The following CLASP2 variants were observed in gnomAD, a reference collection of about 807,000 sequenced individuals.
The protein encoded by CLASP2 is cytoplasmic linker associated protein 2, also known as CLIP-associating protein 2.
CLASP2 carries 47 observed loss-of-function variants against 194.4 expected under a neutral mutation model. The ratio of observed to expected loss-of-function variants is 0.24; its 90% confidence interval spans 0.19 to 0.31. CLASP2 has a LOEUF of 0.31. Ranked by LOEUF, CLASP2 falls within the 10% of genes least tolerant of loss-of-function variation. The pLI, the probability that CLASP2 is intolerant of heterozygous loss-of-function variation, is 1.00. For missense variants in CLASP2, 1,445 were observed against 1,823.6 expected (o/e 0.79, Z 3.78); for synonymous variants, 619 against 633.5 (o/e 0.98, Z 0.34).
intron 7 of CLASP2, among the ~76,000 whole-genome samples, chr3:33,654,289 C>T (rs902807134): frequency 1.7e-4 from 26 of 151,952 alleles, no homozygotes; most frequent in Non-Finnish European, 3.4e-4. Flanking sequence ...CAAATGTGCA[C>T]ATGAGTGCAC....
intron 24 of CLASP2, 44 bp downstream of exon 24, chr3:33,576,125 C>T (rs375898738): frequency 1.8e-5 from 27 of 1,494,108 alleles, no homozygotes; most frequent in African/African-American, 4.1e-5. Context: ...TCAACAGTTT[C>T]GTAATTGGAA....
At chr3:33,708,856 TTC>T (rs899093763) in intron 1 of CLASP2, among the ~76,000 whole-genome samples, 1 of 152,150 alleles carries the variant, frequency 6.6e-6, no homozygotes, top group African/African-American at 2.4e-5. Flanking sequence ...CCAATACTTG[TTC>T]TCTTTTGATT....
rs961449690 is a variant in CLASP2, at chr3:33,607,855, T to C, written c.1449-394A>G. On this transcript the variant is annotated intron_variant, in intron 14 of 38. Transcript: ENST00000682230. Reference sequence around the variant, plus strand: ...GTGATCAATTGTGATCTGACCAAATTTGAATAGTAGCTGCCACAGAAGAAC... The same window carrying C: ...GTGATCAATTGTGATCTGACCAAATCTGAATAGTAGCTGCCACAGAAGAAC... Among the ~76,000 whole-genome samples the C allele has an allele frequency of 2.0e-5, 3 of 152,180 alleles. 1 individual carries two copies. Among genetic ancestry groups the C allele is most frequent in the South Asian group, 4.1e-4 (2 of 4,836 alleles).
chr3:33,596,547 C>G (rs771272630), intron 19 of CLASP2, 164 bp downstream of exon 19: 3 of 672,996 alleles, frequency 4.5e-6, no homozygotes. Context: ...ATCCCTAACC[C>G]CAAATTCATT....
intron 3 of CLASP2, among the ~76,000 whole-genome samples, chr3:33,688,577 A>G: frequency 6.6e-6 from 1 of 152,206 alleles, no homozygotes; most frequent in African/African-American, 2.4e-5. Context: ...ACATTTTAGT[A>G]CTTATATATA....
rs917050216 is a variant in CLASP2 at position 33,695,871 on chromosome 3, C to T, written c.274+984G>A. Among the ~76,000 whole-genome samples the T allele has an allele frequency of 3.3e-5, 5 of 152,262 alleles. No individual in the cohort carries two copies. The East Asian group carries it at 9.6e-4, about 29-fold the overall frequency. ...ATGCTGCTATATAATAGGATCAAAT[C>T]CACTTATAACATACTCTAAAGGTAC... On this transcript the variant is annotated intron_variant, in intron 2 of 38. Coordinates refer to ENST00000682230, the MANE Select transcript of CLASP2 (RefSeq NM_001365631.1).
Position 33,496,549 on chromosome 3 carries a change from C to G in CLASP2, c.*2082G>C, listed in dbSNP as rs1052812. 2 of 151,882 alleles carry G rather than the reference C, an allele frequency of 1.3e-5. No homozygotes were observed. Among genetic ancestry groups the G allele is most frequent in the Admixed American group, 1.3e-4 (2 of 15,252 alleles). The allele number at this position is 151,882 out of a possible 1,614,324, so 9.4% of individuals were successfully genotyped here. Reference sequence around the variant, plus strand: ...TTTCATTTGGACACATTAAACCATACTTTTCCATTATGTAGTTAATTCATT... The same window carrying G: ...TTTCATTTGGACACATTAAACCATAGTTTTCCATTATGTAGTTAATTCATT... On this transcript the variant is annotated 3_prime_UTR_variant, in exon 39 of 39. Coordinates refer to ENST00000682230, the MANE Select transcript of CLASP2 (RefSeq NM_001365631.1).
intron 1 of CLASP2, among the ~76,000 whole-genome samples, chr3:33,711,977 T>C (rs1230962238): frequency 6.6e-5 from 10 of 152,146 alleles, no homozygotes; most frequent in Non-Finnish European, 1.5e-4. Flanking sequence ...ATCCTAAAAG[T>C]AGAACTACCA....
At chr3:33,526,155 T>C (rs954689077) in intron 34 of CLASP2, among the ~76,000 whole-genome samples, 1 of 151,784 alleles carries the variant, frequency 6.6e-6, no homozygotes, top group Non-Finnish European at 1.5e-5. Flanking sequence ...GTATTTTTAG[T>C]AGAGATGGGT....
intron 2 of CLASP2, among the ~76,000 whole-genome samples, chr3:33,692,551 T>C (rs1378468930): frequency 6.6e-6 from 1 of 152,192 alleles, no homozygotes; most frequent in Non-Finnish European, 1.5e-5. Context: ...AAGACTGTAT[T>C]CCTAACTCTA....
chr3:33,699,872 CAAAAA>C (rs34347002), intron 1 of CLASP2, among the ~76,000 whole-genome samples: 1 of 93,928 alleles, frequency 1.1e-5, no homozygotes. Context: ...ATTGTACTAC[CAAAAA>C]AAAAAAAAAA....
chr3:33,514,675 T>A, intron 36 of CLASP2: 1 of 354,400 alleles, frequency 2.8e-6, no homozygotes, highest in Non-Finnish European at 5.9e-6. Flanking sequence ...CTATTGGGTA[T>A]CTACCTAGAA....
chr3:33,674,116 C>T (rs916481174), intron 6 of CLASP2, among the ~76,000 whole-genome samples: 5 of 152,164 alleles, frequency 3.3e-5, no homozygotes, highest in African/African-American at 1.2e-4. Flanking sequence ...ACAGAACTCT[C>T]CACCCCAAAT....
At chr3:33,536,857 C>A (rs2057434098) in intron 33 of CLASP2, among the ~76,000 whole-genome samples, 1 of 152,156 alleles carries the variant, frequency 6.6e-6, no homozygotes, top group Non-Finnish European at 1.5e-5. Flanking sequence ...GAGGTCTCAA[C>A]AACTCTTGTC....
At chr3:33,673,929 C>T (rs2087938575) in intron 6 of CLASP2, among the ~76,000 whole-genome samples, 1 of 152,030 alleles carries the variant, frequency 6.6e-6, no homozygotes, top group Non-Finnish European at 1.5e-5. Flanking sequence ...ACAGGAGCAC[C>T]CAGATTCATA....
intron 23 of CLASP2, among the ~76,000 whole-genome samples, chr3:33,580,722 GA>G (rs1041838399): frequency 2.7e-4 from 41 of 151,230 alleles, no homozygotes; most frequent in African/African-American, 9.9e-4. Context: ...CTGTGTTAAA[GA>G]AAAAAAATCT....
intron 7 of CLASP2, among the ~76,000 whole-genome samples, chr3:33,654,750 AATAT>A (rs1171505768): frequency 1.3e-5 from 2 of 152,162 alleles, no homozygotes; most frequent in Non-Finnish European, 2.9e-5. Flanking sequence ...GCTATATTTT[AATAT>A]TCACATGCAG....
intron 7 of CLASP2, among the ~76,000 whole-genome samples, chr3:33,660,863 G>A (rs1208222243): frequency 6.6e-6 from 1 of 152,064 alleles, no homozygotes; most frequent in Non-Finnish European, 1.5e-5. Context: ...TTTAGTTTTA[G>A]TTTTAGTGTG....
At chr3:33,559,285 T>C (rs1443680995) in intron 29 of CLASP2, 22 bp downstream of exon 29, 7 of 1,379,510 alleles carry the variant, frequency 5.1e-6, no homozygotes, top group Non-Finnish European at 6.1e-6. Context: ...TATAATGTCT[T>C]CAAAAGATCT....
Sources: gnomAD v4.1 joint callset for allele counts (sites outside exome capture counted in the v4.1 genomes callset) on GRCh38, gnomAD v4.1.1 for gene constraint, MANE v1.5 for transcripts, NCBI Gene and HGNC (gene_info 2026-07-23, HGNC 2026-07-21) for gene names.